Variants in SCN10A observed in about 807,000 individuals in gnomAD.
SCN10A encodes the protein sodium voltage-gated channel alpha subunit 10.
Under a neutral mutation model 170.7 loss-of-function variants are expected in SCN10A, and 162 were observed. The ratio of observed to expected loss-of-function variants is 0.95; its 90% CI spans 0.84 to 1.08. The LOEUF is 1.08. Ranked by LOEUF, SCN10A falls within the 50% of genes least tolerant of loss-of-function variation. The pLI, the probability that SCN10A is intolerant of heterozygous loss-of-function variation, is 0.00. For synonymous variants in SCN10A, 985 were observed against 904.6 expected, an observed-to-expected ratio of 1.09 and a Z score of -1.59; for missense variants, 2,527 against 2,436.9, an observed-to-expected ratio of 1.04 and a Z score of -0.78.
chr3:38,765,170 A>T (rs2063918150), intron 5 of SCN10A, among the ~76,000 whole-genome samples: 1 of 152,156 alleles, frequency 6.6e-6, no homozygotes, highest in African/African-American at 2.4e-5. Context: ...TTGTCTGTTT[A>T]CTTGGATGAT....
chr3:38,781,302 G>A (rs2064136213), intron 4 of SCN10A, among the ~76,000 whole-genome samples: 1 of 152,014 alleles, frequency 6.6e-6, no homozygotes. Flanking sequence ...TCTGCTGCCG[G>A]TCTGATCTAC....
rs201280426 is a variant in SCN10A, at chr3:38,709,542, C to T, written c.4217G>A (p.Gly1406Asp). Reference sequence around the variant, plus strand: ...AACAAAGAGATTCAGTGTGAAGAAGCCTCCAAAAATGATGAAGATGACAAA... The same window carrying T: ...AACAAAGAGATTCAGTGTGAAGAAGTCTCCAAAAATGATGAAGATGACAAA... The part of the protein sequence containing the change: ...LYFVIFIIFG[G>D]FFTLNLFVGV... Residue 1406 changes from glycine to aspartate, a missense_variant, in exon 25 of 28, where the codon GGC (glycine) becomes GAC (aspartate). Transcript: ENST00000449082. 7 of 1,612,912 alleles carry T rather than the reference C, an allele frequency of 4.3e-6. No individual in the cohort carries two copies. The highest frequency in any genetic ancestry group is 1.7e-4 in the Middle Eastern group (1 of 6,056).
In SCN10A at chr3:38,726,561, G is replaced by A. The variant is rs180993353; in HGVS notation, c.3087+45C>T. The A allele has an allele frequency of 1.4e-3, 2,109 of 1,470,382 alleles. 5 individuals are homozygous for A. The highest frequency in any genetic ancestry group is 1.7e-3 in the Non-Finnish European group (1,869 of 1,085,626). 91.1% of individuals were successfully genotyped at this position (1,470,382 alleles called of 1,614,324 possible). On this transcript the variant is annotated intron_variant, in intron 17 of 27. Coordinates refer to ENST00000449082, the MANE Select transcript of SCN10A (RefSeq NM_006514.4). ...TGCCCTTTGTCACTCAAGCCCTGAA[G>A]CCCCTCCCCACTGCCTGTGGCTGTC...
chr3:38,803,963 C>G (rs2126065086), intron 1 of SCN10A, among the ~76,000 whole-genome samples: 1 of 152,258 alleles, frequency 6.6e-6, no homozygotes. Context: ...GCTGCTGCCA[C>G]AGTCCAATCC....
At position 38,769,239 on chromosome 3, in the gene SCN10A, C is replaced by CTTT. The variant is rs56406440; in HGVS notation, c.599+2037_599+2039dup. Among the ~76,000 whole-genome samples the CTTT allele has an allele frequency of 3.7e-3, 405 of 109,970 alleles. 27 individuals carry two copies. Among genetic ancestry groups the CTTT allele is most frequent in the South Asian group, 0.014 (47 of 3,252 alleles). The allele number at this position is 109,970 out of a possible 152,430, so 72.1% of individuals were successfully genotyped here. On this transcript the variant is annotated intron_variant, in intron 5 of 27. Transcript: ENST00000449082. Reference sequence around the variant, plus strand: ...CACTTAATAATCAGCCTTCTGAATTCTTTTTTTTTTTTTTTTGAGATGGAT... The same window carrying CTTT: ...CACTTAATAATCAGCCTTCTGAATTCTTTTTTTTTTTTTTTTTTTGAGATGGAT...
At chr3:38,785,875 A>G (rs2064194786) in intron 4 of SCN10A, among the ~76,000 whole-genome samples, 1 of 152,248 alleles carries the variant, frequency 6.6e-6, no homozygotes, top group African/African-American at 2.4e-5. Context: ...ACATATGATA[A>G]AAAGCTCATC....
Position 38,725,234 on chromosome 3 carries a change from G to A in SCN10A, c.3168C>T (p.Asp1056=). The A allele has an allele frequency of 1.9e-6, 3 of 1,606,674 alleles. No homozygotes were observed. The highest frequency in any genetic ancestry group is 8.5e-7 in the Non-Finnish European group (1 of 1,174,640). The part of the protein sequence containing the change: ...RSPGTGTSSE[D]LAPSLGETWK... ...ACGTCTCACCCAGGGATGGAGCCAG[G>A]TCCTCAGAAGATGTTCCAGTGCCTG... is the stretch of plus-strand genomic sequence containing the variant. Residue 1056 remains aspartate (D), a synonymous_variant, in exon 18 of 28, where the codon GAC becomes GAT. Transcript: ENST00000449082.
chr3:38,704,885 C>T (rs921992297), intron 26 of SCN10A, among the ~76,000 whole-genome samples: 1 of 152,178 alleles, frequency 6.6e-6, no homozygotes, highest in Non-Finnish European at 1.5e-5. Context: ...GGTGGACATT[C>T]CAGGGCCAAT....
rs1281955309 is a variant in SCN10A, at chr3:38,739,633, G to T, written c.2162C>A (p.Pro721Gln). ...EMVFKIIAFDPYYYFQKKWNI... is the reference protein window; with the variant it reads ...EMVFKIIAFDQYYYFQKKWNI... Reference sequence around the variant, plus strand: ...CCACTTCTTCTGGAAATAATAGTATGGGTCGAAGGCAATGATTTTGAAGAC... The same window carrying T: ...CCACTTCTTCTGGAAATAATAGTATTGGTCGAAGGCAATGATTTTGAAGAC... Residue 721 changes from proline to glutamine, a missense_variant, in exon 15 of 28, where the codon CCA becomes CAA. Transcript: ENST00000449082. 2 of 1,613,934 alleles carry T rather than the reference G, an allele frequency of 1.2e-6. No homozygotes were observed. Among genetic ancestry groups the T allele is most frequent in the Admixed American group, 3.3e-5 (2 of 60,008 alleles).
At chr3:38,757,520 A>T (rs1229774651) in intron 8 of SCN10A, among the ~76,000 whole-genome samples, 1 of 152,234 alleles carries the variant, frequency 6.6e-6, no homozygotes, top group Non-Finnish European at 1.5e-5. Context: ...AGAGTTGTCT[A>T]TCAAGGGAGG....
chr3:38,738,902 C>A (rs1201401116), intron 15 of SCN10A, among the ~76,000 whole-genome samples: 2 of 152,152 alleles, frequency 1.3e-5, no homozygotes, highest in African/African-American at 4.8e-5. Context: ...GACTAATAGG[C>A]AGGTTGAAGG....
At position 38,713,857 on chromosome 3, in the gene SCN10A, A is replaced by G. The variant is rs956669703; in HGVS notation, c.3804+101T>C. 36 of 1,463,796 alleles carry G rather than the reference A, an allele frequency of 2.5e-5. No individual in the cohort carries two copies. In the East Asian group the frequency reaches 7.4e-4, roughly 30 times the overall value. The allele number at this position is 1,463,796 out of a possible 1,614,324, so 90.7% of individuals were successfully genotyped here. On this transcript the variant is annotated intron_variant, in intron 22 of 27. Coordinates refer to ENST00000449082, the MANE Select transcript of SCN10A (RefSeq NM_006514.4). ...TGGCCAGGGTGGTTTTGAACTCCTA[A>G]CCTCAGGTGATCCGCCCGCCTCAGC...
intron 1 of SCN10A, among the ~76,000 whole-genome samples, chr3:38,811,281 C>A (rs889179482): frequency 7.9e-5 from 12 of 151,980 alleles, no homozygotes; most frequent in Admixed American, 5.2e-4. Flanking sequence ...GATGAAACCC[C>A]ATTTCTAATA....
chr3:38,781,224 G>A lies in SCN10A; in HGVS notation c.470+7732C>T, dbSNP rs1575174224. Among the ~76,000 whole-genome samples the A allele has an allele frequency of 2.0e-5, 3 of 152,228 alleles. No individual in the cohort carries two copies. In the South Asian group the frequency reaches 6.2e-4, roughly 32 times the overall value. On this transcript the variant is annotated intron_variant, in intron 4 of 27. Coordinates refer to ENST00000449082, the MANE Select transcript of SCN10A (RefSeq NM_006514.4). ...ATGACCAGCTTGGTGGCTGGACTGA[G>A]AAGAAGCTCCAAAGCACTTCCCAAA... is the stretch of plus-strand genomic sequence containing the variant.
chr3:38,798,780 T>G (rs922388233), intron 1 of SCN10A, among the ~76,000 whole-genome samples: 4 of 125,446 alleles, frequency 3.2e-5, no homozygotes, highest in African/African-American at 1.2e-4. Flanking sequence ...TGGTTCCCCT[T>G]GCCTCCTTTT....
chr3:38,815,786 T>C (rs1189385131), intron 1 of SCN10A, among the ~76,000 whole-genome samples: 1 of 152,240 alleles, frequency 6.6e-6, no homozygotes, highest in Non-Finnish European at 1.5e-5. Flanking sequence ...TAGAAATTGA[T>C]AGCTTTTGGA....
At chr3:38,742,204 G>GCCCCCCCCCCC in intron 14 of SCN10A, 87 bp downstream of exon 14, 1 of 876,380 alleles carries the variant, frequency 1.1e-6, no homozygotes, top group Admixed American at 1.9e-5. Context: ...ATAAGGGCAT[G>GCCCCCCCCCCC]CCCCACCCCA....
chr3:38,732,878 C>T (rs1034438563), intron 15 of SCN10A, among the ~76,000 whole-genome samples: 2 of 152,116 alleles, frequency 1.3e-5, no homozygotes, highest in Non-Finnish European at 2.9e-5. Flanking sequence ...AAGTTTAGAG[C>T]CTTGACGATT....
At chr3:38,704,361 A>G (rs1254535271) in intron 26 of SCN10A, among the ~76,000 whole-genome samples, 1 of 152,210 alleles carries the variant, frequency 6.6e-6, no homozygotes. Context: ...GAAAAAATAC[A>G]GGCCCATTCA....
Sources: allele counts gnomAD v4.1 joint callset (sites outside exome capture counted in the v4.1 genomes callset), GRCh38; gene constraint gnomAD v4.1.1; transcripts MANE v1.5; gene names NCBI Gene and HGNC (gene_info 2026-07-23, HGNC 2026-07-21).